The following ITFG1 variants were observed in gnomAD, a reference collection of about 807,000 sequenced individuals.
The protein encoded by ITFG1 is T-cell immunomodulatory protein.
A neutral mutation model predicts 81.8 loss-of-function variants in ITFG1; 34 were observed. The observed-to-expected ratio is 0.42, with a 90% CI of 0.32 to 0.55. The LOEUF (loss-of-function observed/expected upper bound fraction) is 0.55, where lower values mean the gene tolerates loss of function less well. Among genes scored for constraint, ITFG1 ranks in the 20% least tolerant of loss-of-function variants. The probability of loss-of-function intolerance (pLI) is 0.17; values close to 1 mark genes in which losing one functional copy is unlikely to be tolerated. For missense variants in ITFG1, 672 were observed against 755.4 expected (o/e 0.89, Z 1.29); for synonymous variants, 285 against 270.6 (o/e 1.05, Z -0.52).
rs770723710 is a variant in ITFG1, at chr16:47,374,465, T to C, written c.720+1411A>G. ...AAAGAACCTCAGATACTTAAGGGTG[T>C]TTCATTATGTTCTATAGATATTCTA... On this transcript the variant is annotated intron_variant, in intron 7 of 17. Coordinates refer to ENST00000320640, the MANE Select transcript of ITFG1 (RefSeq NM_030790.5). Among the ~76,000 whole-genome samples, 10 of 152,270 alleles carry C rather than the reference T, an allele frequency of 6.6e-5. No homozygotes were observed. The East Asian group carries it at 1.7e-3, about 26-fold the overall frequency.
At chr16:47,401,625 G>C (rs898024715) in intron 6 of ITFG1, among the ~76,000 whole-genome samples, 5 of 152,096 alleles carry the variant, frequency 3.3e-5, no homozygotes, top group Non-Finnish European at 5.9e-5. Context: ...CATGGGACTG[G>C]GTGTCTGAAA....
At chr16:47,158,433 A>G (rs1472936543) in intron 17 of ITFG1, among the ~76,000 whole-genome samples, 3 of 152,196 alleles carry the variant, frequency 2.0e-5, no homozygotes, top group Non-Finnish European at 2.9e-5. Context: ...CTAAACCTCA[A>G]GAAAATAATT....
At chr16:47,194,914 T>TA (rs1596799952) in intron 14 of ITFG1, among the ~76,000 whole-genome samples, 1 of 151,898 alleles carries the variant, frequency 6.6e-6, no homozygotes, top group Non-Finnish European at 1.5e-5. Context: ...TGAATAATAA[T>TA]AAAAAAATCT....
chr16:47,199,269 C>CCCAAA (rs138629856), intron 14 of ITFG1, among the ~76,000 whole-genome samples: 50 of 150,742 alleles, frequency 3.3e-4, no homozygotes, highest in East Asian at 9.8e-4. Flanking sequence ...TCCAAAAAAA[C>CCCAAA]CCAAACCAAA....
intron 6 of ITFG1, among the ~76,000 whole-genome samples, chr16:47,411,096 C>T (rs561031626): frequency 8.5e-5 from 13 of 152,288 alleles, no homozygotes; most frequent in African/African-American, 3.1e-4. Context: ...GACAAAGCTG[C>T]AGGTTCAGGC....
intron 8 of ITFG1, among the ~76,000 whole-genome samples, chr16:47,341,400 G>GAAAAAAAAAAAAA (rs545419792): frequency 3.1e-5 from 2 of 64,336 alleles, no homozygotes; most frequent in Non-Finnish European, 6.0e-5. Flanking sequence ...CTGCGCCACT[G>GAAAAAAAAAAAAA]AAAAAAAAAA....
intron 2 of ITFG1, among the ~76,000 whole-genome samples, chr16:47,458,709 C>G (rs533896930): frequency 1.3e-5 from 2 of 152,226 alleles, no homozygotes; most frequent in African/African-American, 4.8e-5. Context: ...AATTAGAACA[C>G]TGACTTTTTC....
chr16:47,298,924 C>T (rs1967027238), intron 10 of ITFG1, among the ~76,000 whole-genome samples: 1 of 151,970 alleles, frequency 6.6e-6, no homozygotes, highest in South Asian at 2.1e-4. Context: ...CTTGAGTCAC[C>T]TTCTCTCTAG....
intron 13 of ITFG1, among the ~76,000 whole-genome samples, chr16:47,228,899 T>A (rs1005294588): frequency 1.1e-4 from 16 of 152,252 alleles, no homozygotes; most frequent in Non-Finnish European, 1.5e-5. Context: ...TTTTCCAGAA[T>A]GCATTTCTCT....
intron 14 of ITFG1, among the ~76,000 whole-genome samples, chr16:47,185,546 A>G (rs975596902): frequency 6.6e-6 from 1 of 152,180 alleles, no homozygotes; most frequent in Non-Finnish European, 1.5e-5. Context: ...AGAAATAAAG[A>G]TGTTCTTTGA....
chr16:47,338,064 CAT>C (rs1436411917), intron 8 of ITFG1, among the ~76,000 whole-genome samples: 2 of 152,204 alleles, frequency 1.3e-5, no homozygotes, highest in Non-Finnish European at 2.9e-5. Flanking sequence ...CAGTGACACA[CAT>C]GACAAGGAAT....
At chr16:47,164,887 G>T (rs894809144) in intron 14 of ITFG1, among the ~76,000 whole-genome samples, 4 of 152,234 alleles carry the variant, frequency 2.6e-5, no homozygotes, top group Admixed American at 1.3e-4. Context: ...AGTTGAGAAG[G>T]GGGGCAGGAT....
At chr16:47,331,023 G>A (rs183876767) in intron 8 of ITFG1, among the ~76,000 whole-genome samples, 240 of 152,234 alleles carry the variant, frequency 1.6e-3, no homozygotes, top group Admixed American at 8.1e-3. Flanking sequence ...ATCTGCACTT[G>A]TATGTTCATC....
chr16:47,155,852 G>T, intron 17 of ITFG1, 74 bp from the exon 18 acceptor site: 1 of 1,049,696 alleles, frequency 9.5e-7, no homozygotes, highest in Non-Finnish European at 1.4e-6. Flanking sequence ...GAAATACACA[G>T]TGATTCATTT....
intron 8 of ITFG1, among the ~76,000 whole-genome samples, chr16:47,348,336 C>A (rs1310870364): frequency 1.3e-5 from 2 of 152,134 alleles, no homozygotes; most frequent in Non-Finnish European, 2.9e-5. Context: ...AAATGGCTAA[C>A]TAGAATAACC....
chr16:47,336,970 GA>G lies in ITFG1; in HGVS notation c.803-23148del, dbSNP rs1445973725. ...ACAGCGAGACTCCATCTCAAAAAAA[GA>G]AAAAAAAAAAAAAAGAGGCTGGGTA... On this transcript the variant is annotated intron_variant, in intron 8 of 17. Coordinates refer to ENST00000320640, the MANE Select transcript of ITFG1 (RefSeq NM_030790.5). Among the ~76,000 whole-genome samples, 700 of 99,706 alleles carry G rather than the reference GA, an allele frequency of 7.0e-3. 4 individuals are homozygous for G. The highest frequency in any genetic ancestry group is 0.019 in the African/African-American group (513 of 27,580). The allele number at this position is 99,706 out of a possible 152,430, so 65.4% of individuals were successfully genotyped here. A position where few individuals can be genotyped will look rare whatever the true frequency, so the allele number is the denominator to read the frequency against.
Position 47,162,545 on chromosome 16 carries a change from C to T in ITFG1, c.1573G>A (p.Glu525Lys). Residue 525 changes from glutamate (E) to lysine (K), a missense_variant, in exon 15 of 18, where the codon GAA becomes AAA. Physicochemically the swap from Glu to Lys is moderately conservative, Grantham distance 56. This residue lies in a region of ITFG1 where 560 missense variants were observed against 625.7 expected (regional missense o/e 0.90). Coordinates refer to ENST00000320640, the MANE Select transcript of ITFG1 (RefSeq NM_030790.5). ...LYVGIPRPSG[E>K]KSIRKQEWTA... ...CAAAATGAATTTTTACTCACTTTTT[C>T]TCCAGATGGACGGGGAATACCAACG... The T allele has an allele frequency of 6.3e-7, 1 of 1,597,916 alleles. No individual in the cohort carries two copies. Among genetic ancestry groups the T allele is most frequent in the South Asian group, 1.1e-5 (1 of 87,182 alleles).
At chr16:47,173,795 C>T (rs897028590) in intron 14 of ITFG1, among the ~76,000 whole-genome samples, 3 of 152,156 alleles carry the variant, frequency 2.0e-5, no homozygotes, top group East Asian at 1.9e-4. Flanking sequence ...AATCCCAGCA[C>T]TTTGGGAGGC....
intron 6 of ITFG1, among the ~76,000 whole-genome samples, chr16:47,401,675 G>A (rs1228359201): frequency 4.6e-5 from 7 of 152,072 alleles, no homozygotes; most frequent in Non-Finnish European, 5.9e-5. Context: ...ACTATTAAAT[G>A]GAACAGATAA....
Sources: allele counts gnomAD v4.1 joint callset (sites outside exome capture counted in the v4.1 genomes callset), GRCh38; gene constraint gnomAD v4.1.1; regional missense constraint gnomAD v4.1.1; transcripts MANE v1.5; gene names NCBI Gene and HGNC (gene_info 2026-07-23, HGNC 2026-07-21).